PCDHA11: variants seen among roughly 807,000 people sequenced by gnomAD.
The protein encoded by PCDHA11 is protocadherin alpha 11.
In PCDHA11, 61 loss-of-function variants were observed where a neutral mutation model predicts 70.3. The ratio of observed to expected loss-of-function variants is 0.87; its 90% confidence interval spans 0.71 to 1.07. The LOEUF (loss-of-function observed/expected upper bound fraction) is 1.07, where lower values mean the gene tolerates loss of function less well. Ranked by LOEUF, PCDHA11 falls within the 50% of genes least tolerant of loss-of-function variation. PCDHA11 has a pLI of 0.00. For synonymous variants in PCDHA11, 633 were observed against 555.1 expected (o/e 1.14, Z -1.97); for missense variants, 1,324 against 1,237.5 (o/e 1.07, Z -1.05).
intron 1 of PCDHA11, chr5:140,877,564 G>A (rs782415331): frequency 1.2e-5 from 20 of 1,613,652 alleles, no homozygotes; most frequent in Middle Eastern, 3.3e-4. Context: ...GGATATTAAC[G>A]TGTACCTCAT....
At position 140,927,644 on chromosome 5, in the gene PCDHA11, T is replaced by C. The variant is rs370145398; in HGVS notation, c.2392-51305T>C. On this transcript the variant is annotated intron_variant, in intron 1 of 3. Coordinates refer to ENST00000398640, the MANE Select transcript of PCDHA11 (RefSeq NM_018902.5). The stretch of plus-strand genomic sequence containing the variant: ...CCAGAGACTGCACCCAATGGGACTG[T>C]GTTATTCCGAGTTCAAGCCTTGGAT... The C allele has an allele frequency of 4.6e-5, 74 of 1,614,028 alleles. 1 individual carries two copies. Among genetic ancestry groups the C allele is most frequent in the Non-Finnish European group, 5.8e-5 (68 of 1,180,020 alleles).
In PCDHA11 at chr5:140,871,488, C is replaced by T. The variant is rs370808040; in HGVS notation, c.2385C>T (p.Pro795=). ...GERQEPGSNH[P]GQPRQPNPDW... Reference sequence around the variant, plus strand: ...GACAGGAGCCAGGGTCAAATCACCCCGGACAGGTGAGTTTTCTACAGATTC... The same window carrying T: ...GACAGGAGCCAGGGTCAAATCACCCTGGACAGGTGAGTTTTCTACAGATTC... The change falls in exon 1 of 4, where the codon CCC becomes CCT. Residue 795 remains proline, a synonymous_variant. Coordinates refer to ENST00000398640, the MANE Select transcript of PCDHA11 (RefSeq NM_018902.5). 54 of 1,591,050 alleles carry T rather than the reference C, an allele frequency of 3.4e-5. No homozygotes were observed. Among genetic ancestry groups the T allele is most frequent in the Non-Finnish European group, 4.5e-5 (53 of 1,167,398 alleles).
chr5:141,005,535 C>T (rs1254351919), intron 3 of PCDHA11, among the ~76,000 whole-genome samples: 2 of 151,078 alleles, frequency 1.3e-5, no homozygotes, highest in Non-Finnish European at 2.9e-5. Flanking sequence ...AACCCCGTCT[C>T]TACTAAAAAT....
intron 3 of PCDHA11, among the ~76,000 whole-genome samples, chr5:141,006,560 C>G (rs1179730864): frequency 2.0e-5 from 3 of 152,084 alleles, no homozygotes; most frequent in Non-Finnish European, 4.4e-5. Flanking sequence ...AAAGATGACT[C>G]TGGCTACTGT....
chr5:140,915,626 GTCTCTCTCTCTC>G (rs57920489), intron 1 of PCDHA11, among the ~76,000 whole-genome samples: 39 of 146,434 alleles, frequency 2.7e-4, no homozygotes, highest in African/African-American at 9.6e-4. Context: ...GTCTCTTTCT[GTCTCTCTCTCTC>G]TCTCTCTCTC....
chr5:140,906,827 G>C (rs2153497509), intron 1 of PCDHA11, among the ~76,000 whole-genome samples: 1 of 152,308 alleles, frequency 6.6e-6, no homozygotes, highest in South Asian at 2.1e-4. Flanking sequence ...TGGAGTAGTA[G>C]ACTGATTTCA....
chr5:140,989,403 G>A (rs1327699534), intron 3 of PCDHA11, among the ~76,000 whole-genome samples: 4 of 152,182 alleles, frequency 2.6e-5, no homozygotes, highest in African/African-American at 9.7e-5. Context: ...GGAGGGTGGA[G>A]AGTCTGCACT....
chr5:141,008,526 G>A (rs2153997518), intron 3 of PCDHA11, among the ~76,000 whole-genome samples: 1 of 152,126 alleles, frequency 6.6e-6, no homozygotes, highest in Non-Finnish European at 1.5e-5. Flanking sequence ...TCAGACTCTT[G>A]GGAATGTCTT....
At chr5:140,956,719 T>C (rs2095305109) in intron 1 of PCDHA11, among the ~76,000 whole-genome samples, 1 of 152,216 alleles carries the variant, frequency 6.6e-6, no homozygotes, top group Non-Finnish European at 1.5e-5. Context: ...TCAGAAGAAT[T>C]GGTACCAGCT....
At chr5:140,875,577 C>G in intron 1 of PCDHA11, 1 of 1,614,082 alleles carries the variant, frequency 6.2e-7, no homozygotes, top group Non-Finnish European at 8.5e-7. Context: ...ACTACTCCGT[C>G]TACGAGGAGG....
chr5:140,912,635 T>G (rs1554195442), intron 1 of PCDHA11, among the ~76,000 whole-genome samples: 2 of 152,156 alleles, frequency 1.3e-5, no homozygotes, highest in Admixed American at 6.5e-5. Context: ...AGACTTTCAG[T>G]ACTATGTTGA....
At chr5:140,895,730 A>G (rs781978402) in intron 1 of PCDHA11, among the ~76,000 whole-genome samples, 4 of 152,280 alleles carry the variant, frequency 2.6e-5, no homozygotes, top group Middle Eastern at 3.4e-3. Flanking sequence ...CCTCCATTCA[A>G]TGGGCTGCAA....
chr5:140,882,813 C>T lies in PCDHA11; in HGVS notation c.2391+11319C>T, dbSNP rs782169035. On this transcript the variant is annotated intron_variant, in intron 1 of 3. Transcript: ENST00000398640. ...CCCAACGATTATTTCACTTTGGACG[C>T]ACAAAACAGTCTTGAGCAAATGTCT... 4 of 1,614,176 alleles carry T rather than the reference C, an allele frequency of 2.5e-6. No individual in the cohort carries two copies. The East Asian group carries it at 6.7e-5, about 27-fold the overall frequency.
chr5:141,001,245 C>G (rs1554258043), intron 3 of PCDHA11, among the ~76,000 whole-genome samples: 2 of 152,082 alleles, frequency 1.3e-5, no homozygotes, highest in Non-Finnish European at 2.9e-5. Context: ...TAAATCAACC[C>G]TATGGGGCGG....
At position 140,870,483 on chromosome 5, in the gene PCDHA11, C is replaced by A. The variant is rs782740203; in HGVS notation, c.1380C>A (p.Thr460=). Residue 460 remains threonine, a synonymous_variant, in exon 1 of 4, where the codon ACC becomes ACA. Coordinates refer to ENST00000398640, the MANE Select transcript of PCDHA11 (RefSeq NM_018902.5). ...CTGCGTTCGCACAGCCCGAGTACAC[C>A]GTGTTCGTGAAGGAGAACAACCCAC... is the stretch of plus-strand genomic sequence containing the variant. ...NAPAFAQPEY[T]VFVKENNPPG... 8.1e-6 allele frequency: 13 copies of A among 1,614,122 alleles called. No homozygotes were observed. Among genetic ancestry groups the A allele is most frequent in the East Asian group, 2.2e-5 (1 of 44,900 alleles).
Position 140,908,048 on chromosome 5 carries a change from C to T in PCDHA11, c.2391+36554C>T, listed in dbSNP as rs143198443. On this transcript the variant is annotated intron_variant, in intron 1 of 3. Transcript: ENST00000398640. The stretch of plus-strand genomic sequence containing the variant: ...ATTAATCAGTATATAATTGCACATC[C>T]GGCCATTTCTCCTTCATGAAAAGTG... 1.1e-3 allele frequency among the ~76,000 whole-genome samples: 169 copies of T among 152,294 alleles called. 1 individual carries two copies. The East Asian group carries it at 0.023, about 21-fold the overall frequency.
intron 3 of PCDHA11, among the ~76,000 whole-genome samples, chr5:140,986,690 A>G (rs2097209589): frequency 6.6e-6 from 1 of 152,172 alleles, no homozygotes; most frequent in African/African-American, 2.4e-5. Flanking sequence ...AAAGTTTCAA[A>G]ACACACAGCA....
intron 1 of PCDHA11, among the ~76,000 whole-genome samples, chr5:140,913,995 A>T (rs541070374): frequency 6.6e-6 from 1 of 152,288 alleles, no homozygotes; most frequent in Admixed American, 6.5e-5. Context: ...TGTGACTAGC[A>T]TATGGTCTAT....
At chr5:140,999,845 T>G (rs1293721817) in intron 3 of PCDHA11, among the ~76,000 whole-genome samples, 1 of 152,188 alleles carries the variant, frequency 6.6e-6, no homozygotes, top group Non-Finnish European at 1.5e-5. Flanking sequence ...CAAGTGTATT[T>G]ATCTCTTCCG....
Sources: allele counts gnomAD v4.1 joint callset (sites outside exome capture counted in the v4.1 genomes callset), GRCh38; gene constraint gnomAD v4.1.1; transcripts MANE v1.5; gene names NCBI Gene and HGNC (gene_info 2026-07-23, HGNC 2026-07-21).